The following UHMK1 variants were observed in gnomAD, a reference collection of about 807,000 sequenced individuals.
UHMK1 encodes the protein U2AF homology motif kinase 1.
UHMK1 carries 18 observed loss-of-function variants against 44.0 expected under a neutral mutation model. That is an observed-to-expected ratio of 0.41 (90% CI 0.28 to 0.61). The LOEUF is 0.61. Among genes scored for constraint, UHMK1 ranks in the 20% least tolerant of loss-of-function variants. The pLI is 0.31. For missense variants in UHMK1, 463 were observed against 522.5 expected (o/e 0.89, Z 1.11); for synonymous variants, 231 against 198.5 (o/e 1.16, Z -1.38).
At position 162,523,465 on chromosome 1, in the gene UHMK1, C is replaced by T. The variant is rs1652132284; in HGVS notation, c.*915C>T. On this transcript the variant is annotated 3_prime_UTR_variant, in exon 8 of 8. Coordinates refer to ENST00000489294, the MANE Select transcript of UHMK1 (RefSeq NM_175866.5). ...ACTTCTAAAATGATTGGAACAAAGACTAAGTTGTGCCAGATGTAAATCAAC... is the reference window on the plus strand; with the variant it reads ...ACTTCTAAAATGATTGGAACAAAGATTAAGTTGTGCCAGATGTAAATCAAC... The T allele has an allele frequency of 6.6e-6, 1 of 152,626 alleles. No individual in the cohort carries two copies. The highest frequency in any genetic ancestry group is 2.1e-4 in the South Asian group (1 of 4,826). 9.5% of individuals were successfully genotyped at this position (152,626 alleles called of 1,614,324 possible). A position where few individuals can be genotyped will look rare whatever the true frequency, so the allele number is the denominator to read the frequency against.
rs1286306114 is a variant in UHMK1 at position 162,527,568 on chromosome 1, T to C, written c.*5018T>C. On this transcript the variant is annotated 3_prime_UTR_variant, in exon 8 of 8. Coordinates refer to ENST00000489294, the MANE Select transcript of UHMK1 (RefSeq NM_175866.5). ...GTACTGCTTATGAGGATTAATGTTT[T>C]AAATTTGCTTTATTTGTGCTTTTCA... 2 of 152,122 alleles carry C rather than the reference T, an allele frequency of 1.3e-5. No individual in the cohort carries two copies. The highest frequency in any genetic ancestry group is 2.9e-5 in the Non-Finnish European group (2 of 67,942). 9.4% of individuals were successfully genotyped at this position (152,122 alleles called of 1,614,324 possible).
At chr1:162,506,722 G>A (rs947377171) in intron 4 of UHMK1, among the ~76,000 whole-genome samples, 5 of 152,074 alleles carry the variant, frequency 3.3e-5, no homozygotes, top group African/African-American at 1.2e-4. Flanking sequence ...AAAAGTAGCC[G>A]GGCCTGGTGG....
intron 7 of UHMK1, among the ~76,000 whole-genome samples, chr1:162,518,932 T>G (rs1651941696): frequency 6.6e-6 from 1 of 150,596 alleles, no homozygotes; most frequent in African/African-American, 2.4e-5. Context: ...GAGGTTGTAG[T>G]GAGTGGAGGT....
rs561641069 is a variant in UHMK1, at chr1:162,521,871, C to T, written c.1114-533C>T. Among the ~76,000 whole-genome samples, 5 of 152,320 alleles carry T rather than the reference C, an allele frequency of 3.3e-5. No individual in the cohort carries two copies. The South Asian group carries it at 1.0e-3, about 32-fold the overall frequency. On this transcript the variant is annotated intron_variant, in intron 7 of 7. Transcript: ENST00000489294. ...CTCGAATTCCCGACCTCGTGATCCA[C>T]CTGCCTTGGCCTCCCAAAGTGCTCA...
At chr1:162,506,810 G>C (rs932731665) in intron 4 of UHMK1, among the ~76,000 whole-genome samples, 1 of 152,068 alleles carries the variant, frequency 6.6e-6, no homozygotes, top group Non-Finnish European at 1.5e-5. Context: ...GTTGCAGTGA[G>C]CTAAGATCGT....
rs1425067617 is a variant in UHMK1, at chr1:162,524,617, AC to A, written c.*2068del. On this transcript the variant is annotated 3_prime_UTR_variant, in exon 8 of 8. Transcript: ENST00000489294. ...ATAAGGGCAAGTATCCTAAGTTAGC[AC>A]ATTTACTTTTCTCTCCCCTCCGCCC... is the stretch of plus-strand genomic sequence containing the variant. The A allele has an allele frequency of 2.0e-5, 3 of 152,206 alleles. No individual in the cohort carries two copies. Among genetic ancestry groups the A allele is most frequent in the Non-Finnish European group, 2.9e-5 (2 of 68,048 alleles). The allele number at this position is 152,206 out of a possible 1,614,324, so 9.4% of individuals were successfully genotyped here.
intron 7 of UHMK1, among the ~76,000 whole-genome samples, chr1:162,520,081 C>T (rs764043130): frequency 1.3e-5 from 2 of 152,008 alleles, no homozygotes; most frequent in African/African-American, 4.8e-5. Flanking sequence ...TTTGTAGAAA[C>T]GAGGTTTTGC....
chr1:162,517,153 G>C (rs1651861944), intron 6 of UHMK1, among the ~76,000 whole-genome samples: 1 of 152,116 alleles, frequency 6.6e-6, no homozygotes, highest in Non-Finnish European at 1.5e-5. Context: ...GCAAAGATTA[G>C]CTGGGCATGG....
intron 1 of UHMK1, 39 bp downstream of exon 1, chr1:162,498,307 A>T: frequency 6.5e-7 from 1 of 1,548,816 alleles, no homozygotes; most frequent in Non-Finnish European, 8.7e-7. Flanking sequence ...TGCCCAGGTC[A>T]CAGTCCGAGC....
Position 162,512,839 on chromosome 1 carries a change from A to G in UHMK1, c.1024+16A>G. ...GAATATGAAGGTTAGTGTTTTCTAAATTATATTTTAATGTGTCTTTCTTAA... is the reference window on the plus strand; with the variant it reads ...GAATATGAAGGTTAGTGTTTTCTAAGTTATATTTTAATGTGTCTTTCTTAA... On this transcript the variant is annotated intron_variant, in intron 6 of 7. Coordinates refer to ENST00000489294, the MANE Select transcript of UHMK1 (RefSeq NM_175866.5). 1.2e-6 allele frequency: 2 copies of G among 1,604,406 alleles called. No individual in the cohort carries two copies. Among genetic ancestry groups the G allele is most frequent in the East Asian group, 4.5e-5 (2 of 44,806 alleles).
intron 7 of UHMK1, among the ~76,000 whole-genome samples, chr1:162,521,586 T>C (rs1652060780): frequency 6.6e-6 from 1 of 152,158 alleles, no homozygotes; most frequent in African/African-American, 2.4e-5. Context: ...GCCTCCCAAG[T>C]AGCTGGGATT....
At chr1:162,508,245 G>A (rs950854545) in intron 4 of UHMK1, among the ~76,000 whole-genome samples, 2 of 151,890 alleles carry the variant, frequency 1.3e-5, no homozygotes, top group African/African-American at 2.4e-5. Context: ...CTGAGTAGGT[G>A]GGCTTACAGG....
chr1:162,500,267 T>C lies in UHMK1; in HGVS notation c.561+20T>C. On this transcript the variant is annotated intron_variant, in intron 2 of 7. Coordinates refer to ENST00000489294, the MANE Select transcript of UHMK1 (RefSeq NM_175866.5). The stretch of plus-strand genomic sequence containing the variant: ...AATCAGGTAAGAAATAACCTTTTCT[T>C]TTCTCTCGCAGTTTAAAATGTAGTG... 6.3e-7 allele frequency: 1 copy of C among 1,596,854 alleles called. No homozygotes were observed. Among genetic ancestry groups the C allele is most frequent in the Non-Finnish European group, 8.6e-7 (1 of 1,169,462 alleles).
At chr1:162,511,570 T>A (rs1651672273) in intron 4 of UHMK1, among the ~76,000 whole-genome samples, 1 of 152,226 alleles carries the variant, frequency 6.6e-6, no homozygotes, top group Non-Finnish European at 1.5e-5. Flanking sequence ...CTGTTCATTG[T>A]TTCCTTGGCT....
rs554224727 is a variant in UHMK1, at chr1:162,511,746, A to C, written c.849-754A>C. 2.2e-4 allele frequency among the ~76,000 whole-genome samples: 33 copies of C among 152,254 alleles called. No individual in the cohort carries two copies. The East Asian group carries it at 6.2e-3, about 28-fold the overall frequency. On this transcript the variant is annotated intron_variant, in intron 4 of 7. Coordinates refer to ENST00000489294, the MANE Select transcript of UHMK1 (RefSeq NM_175866.5). ...GGTCTTACATTTAAATTGTTAATCC[A>C]TTTTGAGTTGATTTTTGTGTAGGTC...
chr1:162,497,867 G>A lies in UHMK1; in HGVS notation c.-134G>A, dbSNP rs1420832226. The A allele has an allele frequency of 7.2e-7, 1 of 1,389,420 alleles. No individual in the cohort carries two copies. The highest frequency in any genetic ancestry group is 1.5e-5 in the African/African-American group (1 of 66,136). 86.1% of individuals were successfully genotyped at this position (1,389,420 alleles called of 1,614,324 possible). On this transcript the variant is annotated 5_prime_UTR_variant, in exon 1 of 8. Transcript: ENST00000489294. ...CGGTGTCATGGCTGCTTGAAGTCCC[G>A]GGAGTCGGTGAGGCGGCTGCAGGTC...
At chr1:162,500,675 T>A (rs1297496820) in intron 2 of UHMK1, 1 of 490,742 alleles carries the variant, frequency 2.0e-6, no homozygotes, top group African/African-American at 1.9e-5. Flanking sequence ...CAGTGCCTAA[T>A]AGGTAAGAGA....
upstream of UHMK1, chr1:162,497,751 C>G: frequency 2.4e-6 from 3 of 1,251,850 alleles, no homozygotes; most frequent in Non-Finnish European, 3.1e-6. Flanking sequence ...CTCTTCTAGG[C>G]CCCGCCCCTT....
chr1:162,497,913 T>G lies in UHMK1; in HGVS notation c.-88T>G. The stretch of plus-strand genomic sequence containing the variant: ...AGGTCCCTCCCTGCGGAGCCGCTGG[T>G]CCGGCTGGCGGAGATGTGACCGCGG... On this transcript the variant is annotated 5_prime_UTR_variant, in exon 1 of 8. Transcript: ENST00000489294. 7.0e-7 allele frequency: 1 copy of G among 1,430,108 alleles called. No individual in the cohort carries two copies. Among genetic ancestry groups the G allele is most frequent in the Non-Finnish European group, 9.1e-7 (1 of 1,096,772 alleles). 88.6% of individuals were successfully genotyped at this position (1,430,108 alleles called of 1,614,324 possible).
Sources: allele counts gnomAD v4.1 joint callset (sites outside exome capture counted in the v4.1 genomes callset), GRCh38; gene constraint gnomAD v4.1.1; transcripts MANE v1.5; gene names NCBI Gene and HGNC (gene_info 2026-07-23, HGNC 2026-07-21).